The following GRIK2 variants were observed in gnomAD, a reference collection of about 807,000 sequenced individuals.
GRIK2 encodes the protein glutamate receptor ionotropic, kainate 2.
A neutral mutation model predicts 100.3 loss-of-function variants in GRIK2; 32 were observed. The ratio of observed to expected loss-of-function variants is 0.32; its 90% CI spans 0.24 to 0.43. GRIK2 has a LOEUF of 0.43. GRIK2 is among the 20% of genes least tolerant of loss of function. The probability of loss-of-function intolerance (pLI) is 1.00; values close to 1 mark genes in which losing one functional copy is unlikely to be tolerated. For synonymous variants in GRIK2, 417 were observed against 389.4 expected, an observed-to-expected ratio of 1.07 and a Z score of -0.83; for missense variants, 843 against 1,114.9, an observed-to-expected ratio of 0.76 and a Z score of 3.47.
chr6:101,701,456 G>T (rs1201461282), intron 7 of GRIK2, among the ~76,000 whole-genome samples: 2 of 151,954 alleles, frequency 1.3e-5, no homozygotes, highest in African/African-American at 4.8e-5. Context: ...TGCTAATGTT[G>T]TCTATCAAAT....
chr6:101,893,819 A>T (rs1456706507), intron 12 of GRIK2, among the ~76,000 whole-genome samples: 1 of 151,746 alleles, frequency 6.6e-6, no homozygotes, highest in Non-Finnish European at 1.5e-5. Flanking sequence ...GAATGAACCC[A>T]ACTGAATATG....
intron 2 of GRIK2, among the ~76,000 whole-genome samples, chr6:101,459,033 A>G (rs1771155399): frequency 6.6e-6 from 1 of 152,088 alleles, no homozygotes; most frequent in South Asian, 2.1e-4. Flanking sequence ...TTGGAGTAAT[A>G]ATGGGGGAAA....
At chr6:101,483,772 C>T (rs749441015) in intron 2 of GRIK2, among the ~76,000 whole-genome samples, 5 of 152,108 alleles carry the variant, frequency 3.3e-5, no homozygotes, top group East Asian at 1.9e-4. Flanking sequence ...AGATGGGTTT[C>T]GCCATGTTGG....
chr6:101,438,950 G>A (rs1769890069), intron 2 of GRIK2, among the ~76,000 whole-genome samples: 1 of 152,218 alleles, frequency 6.6e-6, no homozygotes, highest in Non-Finnish European at 1.5e-5. Flanking sequence ...GTTGATAAGT[G>A]TATAGAACTA....
At chr6:101,621,655 A>C (rs1780165224) in intron 2 of GRIK2, among the ~76,000 whole-genome samples, 1 of 152,096 alleles carries the variant, frequency 6.6e-6, no homozygotes, top group Non-Finnish European at 1.5e-5. Flanking sequence ...GTAATAACTA[A>C]AGAAAAAAAG....
intron 2 of GRIK2, among the ~76,000 whole-genome samples, chr6:101,449,090 CA>C (rs1770530186): frequency 6.6e-6 from 1 of 151,306 alleles, no homozygotes; most frequent in African/African-American, 2.4e-5. Context: ...AGAAAATTGA[CA>C]AAAGACATGA....
chr6:101,454,668 T>TGAATTA (rs1230524715), intron 2 of GRIK2, among the ~76,000 whole-genome samples: 1 of 152,130 alleles, frequency 6.6e-6, no homozygotes, highest in Admixed American at 6.6e-5. Context: ...TAGCTTTTAC[T>TGAATTA]GAATTCTGCT....
chr6:101,795,416 G>T (rs540318279), intron 7 of GRIK2, among the ~76,000 whole-genome samples: 23 of 152,252 alleles, frequency 1.5e-4, no homozygotes, highest in Non-Finnish European at 2.5e-4. Context: ...AGGCCCAGTG[G>T]TGTTATCAGT....
At chr6:101,449,256 T>A (rs1290488395) in intron 2 of GRIK2, among the ~76,000 whole-genome samples, 1 of 151,690 alleles carries the variant, frequency 6.6e-6, no homozygotes, top group East Asian at 1.9e-4. Flanking sequence ...ATCTCTCTCA[T>A]TTGTAAGAAT....
intron 14 of GRIK2, among the ~76,000 whole-genome samples, chr6:101,985,201 G>T (rs1398936109): frequency 1.3e-5 from 2 of 151,580 alleles, no homozygotes; most frequent in Non-Finnish European, 3.0e-5. Context: ...AAAAAAGTAG[G>T]CCAAAGAAAA....
At chr6:101,653,433 A>T (rs933322335) in intron 4 of GRIK2, among the ~76,000 whole-genome samples, 1 of 151,536 alleles carries the variant, frequency 6.6e-6, no homozygotes, top group Non-Finnish European at 1.5e-5. Context: ...TCTCACTACC[A>T]TGTTTCCTCC....
chr6:101,527,308 C>T (rs1368624494), intron 2 of GRIK2, among the ~76,000 whole-genome samples: 1 of 152,194 alleles, frequency 6.6e-6, no homozygotes, highest in Non-Finnish European at 1.5e-5. Flanking sequence ...GTATCATAAT[C>T]AAATTCCACC....
At chr6:101,644,214 T>G (rs1162851143) in intron 4 of GRIK2, among the ~76,000 whole-genome samples, 1 of 151,838 alleles carries the variant, frequency 6.6e-6, no homozygotes, top group Non-Finnish European at 1.5e-5. Context: ...TATATAAAAG[T>G]GTTATGGCAA....
intron 14 of GRIK2, among the ~76,000 whole-genome samples, chr6:101,990,329 A>G (rs1794287203): frequency 6.6e-6 from 1 of 151,674 alleles, no homozygotes; most frequent in Non-Finnish European, 1.5e-5. Context: ...ATGGGATGTA[A>G]AGACTTGCCC....
chr6:101,544,512 A>G (rs1272664674), intron 2 of GRIK2, among the ~76,000 whole-genome samples: 1 of 152,124 alleles, frequency 6.6e-6, no homozygotes, highest in African/African-American at 2.4e-5. Flanking sequence ...AGACTTTTTA[A>G]CATTGTTGTG....
In GRIK2 at chr6:102,022,555, T is replaced by G. The variant is rs902996532; in HGVS notation, c.2086-12786T>G. On this transcript the variant is annotated intron_variant, in intron 14 of 16. Transcript: ENST00000369134. ...AAACAAACAAACAAACTTATCTTAA[T>G]GCAAAAGAAATTGGATACATTTTCA... is the stretch of plus-strand genomic sequence containing the variant. Among the ~76,000 whole-genome samples the G allele has an allele frequency of 5.3e-5, 8 of 151,680 alleles. No homozygotes were observed. The Admixed American group carries it at 5.3e-4, about 10-fold the overall frequency.
At chr6:101,778,876 A>G (rs1336120800) in intron 7 of GRIK2, among the ~76,000 whole-genome samples, 1 of 152,176 alleles carries the variant, frequency 6.6e-6, no homozygotes, top group Non-Finnish European at 1.5e-5. Flanking sequence ...GAAATAACAT[A>G]TGCATTAAAC....
At chr6:101,910,805 A>T in intron 12 of GRIK2, among the ~76,000 whole-genome samples, 1 of 149,556 alleles carries the variant, frequency 6.7e-6, no homozygotes, top group Non-Finnish European at 1.5e-5. Context: ...GACTATAACT[A>T]AAGGGGGTCA....
At chr6:102,000,415 C>A (rs1040693385) in intron 14 of GRIK2, among the ~76,000 whole-genome samples, 2 of 151,476 alleles carry the variant, frequency 1.3e-5, no homozygotes, top group Non-Finnish European at 2.9e-5. Context: ...GGTACTATGC[C>A]TCCTCCCTAC....
Sources: gnomAD v4.1 joint callset for allele counts (sites outside exome capture counted in the v4.1 genomes callset) on GRCh38, gnomAD v4.1.1 for gene constraint, MANE v1.5 for transcripts, NCBI Gene and HGNC (gene_info 2026-07-23, HGNC 2026-07-21) for gene names.